The following PHYKPL variants were observed in gnomAD, a reference collection of about 807,000 sequenced individuals.
The protein encoded by PHYKPL is 5-phosphonooxy-L-lysine phospho-lyase.
In PHYKPL, 42 loss-of-function variants were observed where a neutral mutation model predicts 51.3. That is an observed-to-expected ratio of 0.82 (90% CI 0.64 to 1.06). The LOEUF is 1.06. Ranked by LOEUF, PHYKPL falls within the 50% of genes least tolerant of loss-of-function variation. The probability of loss-of-function intolerance (pLI) is 0.00; values close to 1 mark genes in which losing one functional copy is unlikely to be tolerated. For missense variants in PHYKPL, 655 were observed against 586.6 expected (o/e 1.12, Z -1.20); for synonymous variants, 264 against 236.0 (o/e 1.12, Z -1.09).
At chr5:178,215,510 G>A (rs1759593969) in intron 8 of PHYKPL, 80 bp from the exon 9 acceptor site, 8 of 1,495,512 alleles carry the variant, frequency 5.3e-6, no homozygotes, top group Non-Finnish European at 6.3e-6. Flanking sequence ...CAGAAGAACT[G>A]CCACACGTGT....
rs1763738634 is a variant in PHYKPL, at chr5:178,232,496, T to A, written c.55A>T (p.Ile19Phe). The change falls in exon 1 of 13, where the codon ATC becomes TTC. Residue 19 changes from isoleucine to phenylalanine, a missense_variant. Transcript: ENST00000308158. The stretch of plus-strand genomic sequence containing the variant: ...GCCCGCCCCCCGCCCGGGTACCTGA[T>A]GAGCCGTTGCCTCAGGGCCAGCGTG... ...ADTLALRQRL[I>F]SSSCRLFFPE... 7.5e-7 allele frequency: 1 copy of A among 1,332,598 alleles called. No individual in the cohort carries two copies. Among genetic ancestry groups the A allele is most frequent in the Non-Finnish European group, 9.5e-7 (1 of 1,048,442 alleles). The allele number at this position is 1,332,598 out of a possible 1,614,324, so 82.5% of individuals were successfully genotyped here. A position where few individuals can be genotyped will look rare whatever the true frequency, so the allele number is the denominator to read the frequency against.
At chr5:178,232,074 T>C (rs2913861) in intron 1 of PHYKPL, 544,461 of 1,185,048 alleles carry the variant, frequency 0.46, 130,572 homozygotes, top group Non-Finnish European at 0.49. Flanking sequence ...CTCCCTTGTC[T>C]GCCCTTTCAG....
At chr5:178,214,136 T>C (rs1173012847) in intron 10 of PHYKPL, among the ~76,000 whole-genome samples, 1 of 152,148 alleles carries the variant, frequency 6.6e-6, no homozygotes, top group African/African-American at 2.4e-5. Flanking sequence ...TGTCTCACAA[T>C]TTGAATAAGG....
At chr5:178,210,420 G>A (rs1030372735) in intron 12 of PHYKPL, 25 of 1,531,332 alleles carry the variant, frequency 1.6e-5, no homozygotes, top group South Asian at 1.0e-4. Flanking sequence ...CTTAGACTTC[G>A]GGGTCTTAAT....
At chr5:178,229,229 C>G (rs1029948006) in intron 3 of PHYKPL, among the ~76,000 whole-genome samples, 1 of 151,984 alleles carries the variant, frequency 6.6e-6, no homozygotes, top group Non-Finnish European at 1.5e-5. Flanking sequence ...CCCCAGCCTC[C>G]TGAGTAGTTG....
intron 9 of PHYKPL, 82 bp downstream of exon 9, chr5:178,215,194 C>T (rs1003711219): frequency 2.5e-6 from 4 of 1,596,686 alleles, no homozygotes; most frequent in African/African-American, 1.3e-5. Flanking sequence ...ACCCCACCAT[C>T]CCAGGTTGTT....
intron 7 of PHYKPL, 35 bp downstream of exon 7, chr5:178,222,817 G>C (rs1192763940): frequency 3.7e-6 from 6 of 1,607,968 alleles, no homozygotes; most frequent in Non-Finnish European, 4.3e-6. Flanking sequence ...TTAGACCCCT[G>C]CCCTCCCTAG....
At position 178,225,425 on chromosome 5, in the gene PHYKPL, C is replaced by G. The variant is rs762237486; in HGVS notation, c.343G>C (p.Glu115Gln). 5 of 1,614,092 alleles carry G rather than the reference C, an allele frequency of 3.1e-6. No homozygotes were observed. Among genetic ancestry groups the G allele is most frequent in the Non-Finnish European group, 3.4e-6 (4 of 1,180,048 alleles). ...CVFYFLNSGS[E>Q]ANDLALRLAR... is the part of the protein sequence containing the mutation. ...AGCCTCAGGGCCAGGTCATTGGCTT[C>G]TGACCTATGACCGAAAAGGTGGGCA... Residue 115 changes from glutamate (E) to glutamine (Q), a missense_variant, in exon 4 of 13, where the codon GAA becomes CAA. By Grantham distance (29) the Glu-to-Gln change is conservative. Transcript: ENST00000308158.
intron 3 of PHYKPL, 34 bp from the exon 4 acceptor site, chr5:178,225,463 T>C: frequency 6.2e-7 from 1 of 1,609,258 alleles, no homozygotes; most frequent in Non-Finnish European, 8.5e-7. Flanking sequence ...ACTGAGAGAG[T>C]AGTCTAAGAG....
intron 9 of PHYKPL, 123 bp downstream of exon 9, chr5:178,215,153 A>T: frequency 6.7e-7 from 1 of 1,482,712 alleles, no homozygotes; most frequent in Non-Finnish European, 9.3e-7. Flanking sequence ...AGCACCTCTC[A>T]GTGTCTCAGT....
chr5:178,232,664 C>T lies in PHYKPL; in HGVS notation c.-114G>A, dbSNP rs969894166. 3 of 1,146,418 alleles carry T rather than the reference C, an allele frequency of 2.6e-6. No individual in the cohort carries two copies. The highest frequency in any genetic ancestry group is 3.3e-6 in the Non-Finnish European group (3 of 912,866). 71.0% of individuals were successfully genotyped at this position (1,146,418 alleles called of 1,614,324 possible). On this transcript the variant is annotated 5_prime_UTR_variant, in exon 1 of 13. It removes the in-frame stop codon of an upstream open reading frame in the 5' UTR. Coordinates refer to ENST00000308158, the MANE Select transcript of PHYKPL (RefSeq NM_153373.4). ...CCTGCCTGGGTCGGGATTTGGGGCT[C>T]AGGTTCGCACTCGGCCCCGCCCCGA...
intron 8 of PHYKPL, among the ~76,000 whole-genome samples, chr5:178,220,082 G>A (rs1436032483): frequency 6.6e-6 from 1 of 151,354 alleles, no homozygotes; most frequent in Non-Finnish European, 1.5e-5. Context: ...GTGGTCCCAG[G>A]TACTTGGCAG....
chr5:178,210,974 T>C (rs971134903), intron 12 of PHYKPL: 3 of 264,958 alleles, frequency 1.1e-5, no homozygotes, highest in Admixed American at 5.0e-5. Flanking sequence ...GTGTCACCTT[T>C]TTTTCACCTT....
rs200186200 is a variant in PHYKPL, at chr5:178,224,441, C to A, written c.618+7G>T. 1.9e-6 allele frequency: 3 copies of A among 1,566,366 alleles called. No individual in the cohort carries two copies. The highest frequency in any genetic ancestry group is 2.6e-6 in the Non-Finnish European group (3 of 1,153,558). ...TGGCTGGATTGGACAGGCGCGGACACGGTTACCTTCCTGCCCTTCTCCTGT... is the reference window on the plus strand; with the variant it reads ...TGGCTGGATTGGACAGGCGCGGACAAGGTTACCTTCCTGCCCTTCTCCTGT... On this transcript the variant is annotated splice_region_variant and intron_variant, in intron 6 of 12. Transcript: ENST00000308158.
Position 178,211,982 on chromosome 5 carries a change from C to T in PHYKPL, c.1304-12G>A. On this transcript the variant is annotated splice_polypyrimidine_tract_variant and intron_variant, in intron 11 of 12. Transcript: ENST00000308158. Reference sequence around the variant, plus strand: ...CTTCTCTTCCATGTCTGAAAAAGACCACAAAGCAATGCCGACTCAGTCACC... The same window carrying T: ...CTTCTCTTCCATGTCTGAAAAAGACTACAAAGCAATGCCGACTCAGTCACC... 2 of 1,614,100 alleles carry T rather than the reference C, an allele frequency of 1.2e-6. No individual in the cohort carries two copies. Among genetic ancestry groups the T allele is most frequent in the Non-Finnish European group, 1.7e-6 (2 of 1,179,978 alleles).
chr5:178,225,047 T>C, intron 4 of PHYKPL: 1 of 564,858 alleles, frequency 1.8e-6, no homozygotes, highest in Non-Finnish European at 3.2e-6. Flanking sequence ...CTCGGCTTTG[T>C]GCACATCACA....
rs756548978 is a variant in PHYKPL at position 178,210,084 on chromosome 5, G to A, written c.*32-1169C>T. The A allele has an allele frequency of 3.1e-6, 5 of 1,604,862 alleles. No individual in the cohort carries two copies. In the Admixed American group the frequency reaches 8.8e-5, roughly 28 times the overall value. ...CAGGATTTCCTCCATCCTAGCTCCTGCGTATGCTAAATGGTCCACGGGCCC... is the reference window on the plus strand; with the variant it reads ...CAGGATTTCCTCCATCCTAGCTCCTACGTATGCTAAATGGTCCACGGGCCC... On this transcript the variant is annotated intron_variant, in intron 12 of 12. Coordinates refer to ENST00000308158, the MANE Select transcript of PHYKPL (RefSeq NM_153373.4).
At chr5:178,214,378 C>T (rs1235564788) in intron 10 of PHYKPL, among the ~76,000 whole-genome samples, 3 of 152,124 alleles carry the variant, frequency 2.0e-5, no homozygotes, top group Admixed American at 2.0e-4. Context: ...AACCACCTGT[C>T]GTGCGGCATG....
At chr5:178,232,032 A>G in intron 1 of PHYKPL, 2 of 1,198,482 alleles carry the variant, frequency 1.7e-6, no homozygotes, top group Non-Finnish European at 2.1e-6. Flanking sequence ...TCACAGGTCA[A>G]GTGTGCTGCC....
Sources: gnomAD v4.1 joint callset for allele counts (sites outside exome capture counted in the v4.1 genomes callset) on GRCh38, gnomAD v4.1.1 for gene constraint, MANE v1.5 for transcripts, NCBI Gene and HGNC (gene_info 2026-07-23, HGNC 2026-07-21) for gene names.